FAM193A: variants seen among roughly 807,000 people sequenced by gnomAD.
The protein encoded by FAM193A is family with sequence similarity 193 member A, also known as protein FAM193A.
In FAM193A, 22 loss-of-function variants were observed where a neutral mutation model predicts 126.5. The observed-to-expected ratio is 0.17, with a 90% CI of 0.12 to 0.25. The LOEUF (loss-of-function observed/expected upper bound fraction) is 0.25. Ranked by LOEUF, FAM193A falls within the 10% of genes least tolerant of loss-of-function variation. The pLI is 1.00. For missense variants in FAM193A, 1,675 were observed against 1,672.8 expected (o/e 1.00, Z -0.02); for synonymous variants, 761 against 646.8 (o/e 1.18, Z -2.68).
chr4:2,556,192 G>A (rs1476173363), intron 1 of FAM193A, among the ~76,000 whole-genome samples: 3 of 151,552 alleles, frequency 2.0e-5, no homozygotes, highest in African/African-American at 4.9e-5. Context: ...CACTGTGCCC[G>A]GCCAGTGAGA....
intron 13 of FAM193A, among the ~76,000 whole-genome samples, chr4:2,679,695 G>A (rs932446765): frequency 6.6e-6 from 1 of 151,728 alleles, no homozygotes; most frequent in South Asian, 2.1e-4. Flanking sequence ...TTTTCTTACA[G>A]TGTCTTTGGC....
intron 1 of FAM193A, among the ~76,000 whole-genome samples, chr4:2,565,289 C>G (rs1349714549): frequency 6.3e-5 from 6 of 94,998 alleles, no homozygotes; most frequent in African/African-American, 2.6e-4. Context: ...AAGATGCAGT[C>G]TCCCTCTGTC....
chr4:2,688,375 C>T (rs1225955468), intron 13 of FAM193A, among the ~76,000 whole-genome samples: 4 of 152,104 alleles, frequency 2.6e-5, no homozygotes, highest in South Asian at 2.1e-4. Context: ...AAAGGCAACG[C>T]CGGCTTCTCT....
Position 2,732,029 on chromosome 4 carries a change from C to G in FAM193A, c.*161C>G. 1 of 663,152 alleles carries G rather than the reference C, an allele frequency of 1.5e-6. No individual in the cohort carries two copies. Among genetic ancestry groups the G allele is most frequent in the Non-Finnish European group, 2.7e-6 (1 of 367,078 alleles). The allele number at this position is 663,152 out of a possible 1,614,324, so 41.1% of individuals were successfully genotyped here. A position where few individuals can be genotyped will look rare whatever the true frequency, so the allele number is the denominator to read the frequency against. ...GACCGAGAAGTTGATGCTCGGCCCACGCCGTTAGCTCGTGTGCGTGTAGTC... is the reference window on the plus strand; with the variant it reads ...GACCGAGAAGTTGATGCTCGGCCCAGGCCGTTAGCTCGTGTGCGTGTAGTC... On this transcript the variant is annotated 3_prime_UTR_variant, in exon 21 of 21. Coordinates refer to ENST00000637812, the MANE Select transcript of FAM193A (RefSeq NM_001366318.2).
chr4:2,537,937 C>T (rs924459604), intron 1 of FAM193A, among the ~76,000 whole-genome samples: 2 of 152,086 alleles, frequency 1.3e-5, no homozygotes, highest in African/African-American at 4.8e-5. Flanking sequence ...TTGCACCTAC[C>T]AATTATGGAT....
intron 10 of FAM193A, among the ~76,000 whole-genome samples, chr4:2,661,332 A>G (rs1712419338): frequency 6.6e-6 from 1 of 152,226 alleles, no homozygotes. Flanking sequence ...GTTAAAAAGA[A>G]CAATGTGATT....
At chr4:2,659,457 G>A in intron 8 of FAM193A, 101 bp from the exon 9 acceptor site, 1 of 803,780 alleles carries the variant, frequency 1.2e-6, no homozygotes, top group East Asian at 2.7e-5. Context: ...AGGAAGCAGT[G>A]CCCGTGAACA....
chr4:2,608,666 A>G (rs116146656), intron 2 of FAM193A, among the ~76,000 whole-genome samples: 2,662 of 152,054 alleles, frequency 0.018, 61 homozygotes, highest in African/African-American at 0.051. Context: ...GGTTGGTCTT[A>G]ATAACATTCT....
At chr4:2,568,973 C>CTTTTTTT (rs753557878) in intron 1 of FAM193A, among the ~76,000 whole-genome samples, 457 of 90,608 alleles carry the variant, frequency 5.0e-3, no homozygotes, top group Middle Eastern at 0.023. Context: ...TGTTGTTTTG[C>CTTTTTTT]TTTTTTTTTT....
intron 1 of FAM193A, among the ~76,000 whole-genome samples, chr4:2,569,152 G>T (rs188124993): frequency 2.6e-5 from 4 of 151,854 alleles, no homozygotes; most frequent in Admixed American, 2.6e-4. Flanking sequence ...TTGTATATTA[G>T]TAGAGATGTG....
At chr4:2,710,161 G>GTTTTTTTTTTTTTTCTTTTTTT (rs1718757701) in intron 19 of FAM193A, among the ~76,000 whole-genome samples, 2 of 91,822 alleles carry the variant, frequency 2.2e-5, no homozygotes, top group Non-Finnish European at 4.2e-5. Flanking sequence ...TTCTTCTTTT[G>GTTTTTTTTTTTTTTCTTTTTTT]TTTTTTTTTT....
chr4:2,639,926 G>T, intron 6 of FAM193A, 67 bp downstream of exon 6: 1 of 1,487,416 alleles, frequency 6.7e-7, no homozygotes, highest in Non-Finnish European at 9.2e-7. Context: ...TGACTGGTGT[G>T]CGTGTACCCG....
chr4:2,570,152 A>G (rs939362019), intron 1 of FAM193A, among the ~76,000 whole-genome samples: 1 of 152,060 alleles, frequency 6.6e-6, no homozygotes, highest in Admixed American at 6.6e-5. Context: ...GTACTTCAGA[A>G]TCCGGGATTC....
At chr4:2,617,837 A>T (rs903842783) in intron 2 of FAM193A, among the ~76,000 whole-genome samples, 1 of 152,180 alleles carries the variant, frequency 6.6e-6, no homozygotes, top group African/African-American at 2.4e-5. Context: ...ATAGCGAATT[A>T]TCTTTTAAAA....
intron 3 of FAM193A, among the ~76,000 whole-genome samples, chr4:2,625,837 C>T (rs1213835931): frequency 6.6e-6 from 1 of 151,818 alleles, no homozygotes; most frequent in Non-Finnish European, 1.5e-5. Context: ...AGTGATCCTC[C>T]CACCTCAGTC....
At chr4:2,709,567 G>A (rs1237309086) in intron 19 of FAM193A, among the ~76,000 whole-genome samples, 2 of 152,092 alleles carry the variant, frequency 1.3e-5, no homozygotes, top group Non-Finnish European at 2.9e-5. Context: ...AAATTTGCCA[G>A]GCGTAGTAAC....
intron 15 of FAM193A, among the ~76,000 whole-genome samples, chr4:2,692,845 AAGAG>A (rs36105655): frequency 0.24 from 36,351 of 150,348 alleles, 4,799 homozygotes; most frequent in Middle Eastern, 0.36. Context: ...ATGTCAAAAA[AAGAG>A]AGAGGGAGGG....
intron 15 of FAM193A, among the ~76,000 whole-genome samples, chr4:2,691,541 GC>G (rs1716380240): frequency 6.6e-6 from 1 of 152,170 alleles, no homozygotes; most frequent in African/African-American, 2.4e-5. Context: ...CTAGGGTACA[GC>G]CCCTGGCTGT....
intron 20 of FAM193A, chr4:2,720,003 C>A: frequency 4.2e-6 from 1 of 239,940 alleles, no homozygotes; most frequent in Non-Finnish European, 8.9e-6. Flanking sequence ...CCACATTGCC[C>A]AGGCTGGTCT....
Sources: allele counts gnomAD v4.1 joint callset (sites outside exome capture counted in the v4.1 genomes callset), GRCh38; gene constraint gnomAD v4.1.1; transcripts MANE v1.5; gene names NCBI Gene and HGNC (gene_info 2026-07-23, HGNC 2026-07-21).